The following VWDE variants were observed in gnomAD, a reference collection of about 807,000 sequenced individuals.
VWDE encodes the protein von Willebrand factor D and EGF domains.
In VWDE, 207 loss-of-function variants were observed where a neutral mutation model predicts 178.4. The observed-to-expected ratio is 1.16, with a 90% CI of 1.04 to 1.30. The LOEUF (loss-of-function observed/expected upper bound fraction) is 1.30. Among genes scored for constraint, VWDE ranks in the 50% most tolerant of loss-of-function variants. VWDE has a pLI of 0.00. For synonymous variants in VWDE, 738 were observed against 651.4 expected (o/e 1.13, Z -2.02); for missense variants, 2,287 against 1,901.3 (o/e 1.20, Z -3.77).
intron 5 of VWDE, among the ~76,000 whole-genome samples, chr7:12,380,151 T>C (rs1202212239): frequency 1.3e-5 from 2 of 151,524 alleles, no homozygotes; most frequent in East Asian, 3.9e-4. Context: ...TTTAAAAAAT[T>C]AAAACATTTT....
chr7:12,358,003 T>C (rs114676831), intron 16 of VWDE, among the ~76,000 whole-genome samples: 109 of 152,280 alleles, frequency 7.2e-4, no homozygotes, highest in African/African-American at 2.5e-3. Flanking sequence ...TCCCCAGCTA[T>C]AATACGTGGA....
At chr7:12,335,298 A>T (rs1425612257) in intron 27 of VWDE, among the ~76,000 whole-genome samples, 2 of 152,284 alleles carry the variant, frequency 1.3e-5, no homozygotes, top group East Asian at 3.9e-4. Flanking sequence ...TCCACAAAAA[A>T]TTTCAAAATT....
chr7:12,389,766 T>C (rs1784293766), intron 2 of VWDE, among the ~76,000 whole-genome samples: 1 of 152,218 alleles, frequency 6.6e-6, no homozygotes, highest in African/African-American at 2.4e-5. Flanking sequence ...CTTGAAATAG[T>C]ATGCACAAGA....
At chr7:12,361,554 G>C in intron 13 of VWDE, 33 bp from the exon 14 acceptor site, 2 of 1,472,092 alleles carry the variant, frequency 1.4e-6, no homozygotes, top group Non-Finnish European at 1.8e-6. Flanking sequence ...ATTAACCTCT[G>C]TTAAATTATG....
Position 12,375,200 on chromosome 7 carries a change from G to C in VWDE, c.1052C>G (p.Ala351Gly), listed in dbSNP as rs73300539. ...QGREHLGLNL[A>G]LSSCHVDLLQ... Reference sequence around the variant, plus strand: ...AAGGTCCACATGACAGGAAGACAGTGCCAAATTTAAGCCTAGGTGCTCTCT... The same window carrying C: ...AAGGTCCACATGACAGGAAGACAGTCCCAAATTTAAGCCTAGGTGCTCTCT... The change falls in exon 8 of 29, where the codon GCA becomes GGA. Residue 351 changes from alanine (A) to glycine (G), a missense_variant. By Grantham distance (60) the Ala-to-Gly change is moderately conservative. Coordinates refer to ENST00000275358, the MANE Select transcript of VWDE (RefSeq NM_001135924.3). 4,437 of 1,550,908 alleles carry C rather than the reference G, an allele frequency of 2.9e-3. 107 individuals carry two copies. The African/African-American group carries it at 0.054, about 19-fold the overall frequency.
chr7:12,396,645 C>G (rs922957388), intron 1 of VWDE, among the ~76,000 whole-genome samples: 1 of 152,050 alleles, frequency 6.6e-6, no homozygotes, highest in Non-Finnish European at 1.5e-5. Context: ...TGGTGACTCA[C>G]GCCTATAATT....
At chr7:12,355,231 A>C (rs1162408868) in intron 18 of VWDE, among the ~76,000 whole-genome samples, 2 of 152,094 alleles carry the variant, frequency 1.3e-5, no homozygotes, top group African/African-American at 2.4e-5. Flanking sequence ...GCTGGCCAAC[A>C]TGGTGAAACC....
intron 3 of VWDE, chr7:12,388,848 A>C: frequency 5.1e-6 from 3 of 583,906 alleles, no homozygotes; most frequent in Non-Finnish European, 3.3e-6. Context: ...GGACTTGAGG[A>C]AACCAAAGAA....
intron 3 of VWDE, among the ~76,000 whole-genome samples, chr7:12,385,008 A>C (rs1413707300): frequency 1.3e-5 from 2 of 152,190 alleles, no homozygotes; most frequent in African/African-American, 2.4e-5. Context: ...AAATACAAAA[A>C]ATATAACACA....
chr7:12,399,509 T>A (rs1784800039), intron 1 of VWDE, among the ~76,000 whole-genome samples: 1 of 152,178 alleles, frequency 6.6e-6, no homozygotes, highest in Admixed American at 6.5e-5. Flanking sequence ...CCACTTTCAA[T>A]ATCAATTTTA....
At position 12,344,395 on chromosome 7, in the gene VWDE, T is replaced by C. The variant is rs1206556285; in HGVS notation, c.3961A>G (p.Ile1321Val). The change falls in exon 20 of 29, where the codon ATT becomes GTT. Residue 1321 changes from isoleucine to valine, a missense_variant. Ile to Val is a conservative substitution (Grantham distance 29, BLOSUM62 3). Transcript: ENST00000275358. ...PNICKCKPGY[I>V]GSNCQTALCD... Reference sequence around the variant, plus strand: ...CTACCAGTTTGGCAGTTAGAACCAATGTAACCAGGTTTACATTTGCAGATG... The same window carrying C: ...CTACCAGTTTGGCAGTTAGAACCAACGTAACCAGGTTTACATTTGCAGATG... The C allele has an allele frequency of 9.0e-6, 14 of 1,550,950 alleles. No individual in the cohort carries two copies. Among genetic ancestry groups the C allele is most frequent in the African/African-American group, 2.7e-5 (2 of 72,998 alleles).
chr7:12,333,443 T>G, intron 28 of VWDE, 22 bp downstream of exon 28: 1 of 1,433,562 alleles, frequency 7.0e-7, no homozygotes. Flanking sequence ...AATATTTATT[T>G]TCTCTTTAAA....
At chr7:12,364,727 C>T (rs1782767773) in intron 13 of VWDE, among the ~76,000 whole-genome samples, 1 of 151,930 alleles carries the variant, frequency 6.6e-6, no homozygotes, top group Admixed American at 6.6e-5. Context: ...GTCATAATTG[C>T]TACAAGCAAA....
chr7:12,334,442 A>T, intron 27 of VWDE, among the ~76,000 whole-genome samples: 1 of 65,840 alleles, frequency 1.5e-5, no homozygotes, highest in East Asian at 4.3e-4. Flanking sequence ...AGATAAATGC[A>T]ACATTGACAG....
At chr7:12,333,660 G>T (rs1780857524) in intron 27 of VWDE, 92 bp from the exon 28 acceptor site, 1 of 773,890 alleles carries the variant, frequency 1.3e-6, no homozygotes, top group Non-Finnish European at 2.2e-6. Context: ...TCTGGTGATT[G>T]GACACCAATG....
intron 19 of VWDE, among the ~76,000 whole-genome samples, chr7:12,346,876 A>G (rs1311155044): frequency 6.6e-6 from 1 of 152,140 alleles, no homozygotes; most frequent in East Asian, 1.9e-4. Flanking sequence ...TTAAGATTTT[A>G]TGTAAATCAA....
rs1265235902 is a variant in VWDE at position 12,354,621 on chromosome 7, A to T, written c.3745+1490T>A. The T allele has an allele frequency of 1.5e-5, 3 of 203,148 alleles. No homozygotes were observed. The Admixed American group carries it at 1.8e-4, about 12-fold the overall frequency. 12.6% of individuals were successfully genotyped at this position (203,148 alleles called of 1,614,324 possible). ...AAAAGAGCTGCTATGCATTATGAGG[A>T]CAGAAGTATGCTGTTTTTAAAACTT... On this transcript the variant is annotated intron_variant, in intron 18 of 28. Coordinates refer to ENST00000275358, the MANE Select transcript of VWDE (RefSeq NM_001135924.3).
At chr7:12,394,387 G>C (rs188611660) in intron 1 of VWDE, among the ~76,000 whole-genome samples, 6 of 152,264 alleles carry the variant, frequency 3.9e-5, no homozygotes, top group Admixed American at 1.3e-4. Context: ...GAATGGGATG[G>C]AGGGGAGCAG....
At chr7:12,356,654 T>C (rs78539373) in intron 17 of VWDE, among the ~76,000 whole-genome samples, 3,739 of 152,302 alleles carry the variant, frequency 0.025, 152 homozygotes, top group African/African-American at 0.085. Context: ...GTTAATCACC[T>C]GGGTTATTCA....
Sources: allele counts gnomAD v4.1 joint callset (sites outside exome capture counted in the v4.1 genomes callset), GRCh38; gene constraint gnomAD v4.1.1; transcripts MANE v1.5; gene names NCBI Gene and HGNC (gene_info 2026-07-23, HGNC 2026-07-21).